Variants in SMU1 observed in about 807,000 individuals in gnomAD.
SMU1 encodes the protein WD40 repeat-containing protein SMU1.
Under a neutral mutation model 62.0 loss-of-function variants are expected in SMU1, and 2 were observed. The ratio of observed to expected loss-of-function variants is 0.03; its 90% CI spans 0.01 to 0.10. The LOEUF is 0.10. Among genes scored for constraint, SMU1 ranks in the 10% least tolerant of loss-of-function variants. SMU1 has a pLI of 1.00. For missense variants in SMU1, 227 were observed against 622.1 expected, an observed-to-expected ratio of 0.36 and a Z score of 6.76; for synonymous variants, 188 against 212.4, an observed-to-expected ratio of 0.89 and a Z score of 1.00.
rs34866457 is a variant in SMU1 at position 33,047,212 on chromosome 9, C to CAAAAA, written c.*76_*80dup. 2.9e-3 allele frequency: 1,882 copies of CAAAAA among 645,676 alleles called. 18 individuals are homozygous for CAAAAA. Among genetic ancestry groups the CAAAAA allele is most frequent in the African/African-American group, 0.024 (1,084 of 45,458 alleles). 40.0% of individuals were successfully genotyped at this position (645,676 alleles called of 1,614,324 possible). A position where few individuals can be genotyped will look rare whatever the true frequency, so the allele number is the denominator to read the frequency against. On this transcript the variant is annotated 3_prime_UTR_variant, in exon 12 of 12. Transcript: ENST00000397149. ...CAATCTATTTGCTTAGAAAAGCTGG[C>CAAAAA]AAAAAAAAAAAAAAGCACATTACAT...
intron 9 of SMU1, among the ~76,000 whole-genome samples, chr9:33,054,718 G>A (rs1275033063): frequency 1.3e-5 from 2 of 152,154 alleles, no homozygotes; most frequent in African/African-American, 4.8e-5. Flanking sequence ...GCCTTCCATG[G>A]AGCTTAGCAG....
At chr9:33,070,391 G>A (rs1032181006) in intron 3 of SMU1, among the ~76,000 whole-genome samples, 4 of 152,172 alleles carry the variant, frequency 2.6e-5, no homozygotes, top group African/African-American at 9.7e-5. Context: ...AACAAATGCT[G>A]GTGAGTAAGT....
chr9:33,055,631 G>A (rs1564021063), intron 9 of SMU1, among the ~76,000 whole-genome samples: 2 of 152,108 alleles, frequency 1.3e-5, no homozygotes, highest in African/African-American at 4.8e-5. Flanking sequence ...CTATCTAGGA[G>A]AAGGCTTAGT....
chr9:33,072,552 C>T (rs1326208114), intron 2 of SMU1, among the ~76,000 whole-genome samples: 1 of 151,920 alleles, frequency 6.6e-6, no homozygotes, highest in Non-Finnish European at 1.5e-5. Flanking sequence ...AACAAACTGC[C>T]CAGACACGGC....
intron 1 of SMU1, among the ~76,000 whole-genome samples, chr9:33,075,804 AATTATT>A (rs1333243978): frequency 6.6e-6 from 1 of 152,104 alleles, no homozygotes; most frequent in Non-Finnish European, 1.5e-5. Flanking sequence ...CTGTTAATTT[AATTATT>A]ATTAAGTGTT....
chr9:33,056,544 A>C (rs143409221), intron 8 of SMU1, among the ~76,000 whole-genome samples: 1 of 152,306 alleles, frequency 6.6e-6, no homozygotes, highest in South Asian at 2.1e-4. Context: ...CCTTTAGAGT[A>C]TAACAGACCC....
intron 11 of SMU1, among the ~76,000 whole-genome samples, chr9:33,047,757 G>A (rs1194622411): frequency 1.3e-5 from 2 of 152,086 alleles, no homozygotes; most frequent in African/African-American, 4.8e-5. Context: ...TACTTGGGAG[G>A]CTGAGGCAGG....
chr9:33,063,262 T>G (rs1303816855), intron 4 of SMU1, among the ~76,000 whole-genome samples: 1 of 152,036 alleles, frequency 6.6e-6, no homozygotes, highest in East Asian at 1.9e-4. Flanking sequence ...CTTGGGAGAC[T>G]GAGGCAGGAA....
At chr9:33,066,660 G>T (rs1185420062) in intron 4 of SMU1, among the ~76,000 whole-genome samples, 2 of 152,032 alleles carry the variant, frequency 1.3e-5, no homozygotes, top group East Asian at 3.9e-4. Context: ...ACAAAAATTA[G>T]CTGGGCATGG....
chr9:33,050,526 T>TAAAAAAAAA (rs572118083), intron 10 of SMU1, among the ~76,000 whole-genome samples: 2 of 99,894 alleles, frequency 2.0e-5, no homozygotes, highest in Non-Finnish European at 4.2e-5. Context: ...ATTAAGCACT[T>TAAAAAAAAA]AAAAAAAAAA....
rs1486652540 is a variant in SMU1 at position 33,062,173 on chromosome 9, A to C, written c.506T>G (p.Leu169Arg). The C allele has an allele frequency of 6.2e-7, 1 of 1,610,712 alleles. No homozygotes were observed. ...CAATCCCTGATGCTGCTGCCACTTC[A>C]GTGCCTATGAGGAAAAAAAAAAATA... The part of the protein sequence containing the change: ...SRLMALLGQA[L>R]KWQQHQGLLP... Residue 169 changes from leucine (L) to arginine (R), a missense_variant, in exon 5 of 12, where the codon CTG becomes CGG. Around this residue, in one of 5 missense-constraint regions of SMU1, gnomAD observed 99 missense variants for 270.3 expected, o/e 0.37. Transcript: ENST00000397149.
At chr9:33,069,135 T>C (rs1294309042) in intron 3 of SMU1, among the ~76,000 whole-genome samples, 1 of 152,144 alleles carries the variant, frequency 6.6e-6, no homozygotes, top group African/African-American at 2.4e-5. Flanking sequence ...AAAGTATGAG[T>C]TGGGAGAAAA....
chr9:33,042,269 T>TAAC lies in SMU1; in HGVS notation c.*5021_*5023dup, dbSNP rs903737527. On this transcript the variant is annotated 3_prime_UTR_variant, in exon 12 of 12. Coordinates refer to ENST00000397149, the MANE Select transcript of SMU1 (RefSeq NM_018225.3). Reference sequence around the variant, plus strand: ...TTTCAGCTTGTATTATTACTACCACTAACAGCCTCTGTTGAACCCTTCATT... The same window carrying TAAC: ...TTTCAGCTTGTATTATTACTACCACTAACAACAGCCTCTGTTGAACCCTTCATT... 2.0e-5 allele frequency: 3 copies of TAAC among 152,762 alleles called. No homozygotes were observed. Among genetic ancestry groups the TAAC allele is most frequent in the African/African-American group, 7.2e-5 (3 of 41,466 alleles). 9.5% of individuals were successfully genotyped at this position (152,762 alleles called of 1,614,324 possible). A position where few individuals can be genotyped will look rare whatever the true frequency, so the allele number is the denominator to read the frequency against.
intron 4 of SMU1, among the ~76,000 whole-genome samples, chr9:33,063,033 C>A (rs1587710329): frequency 6.6e-6 from 1 of 152,170 alleles, no homozygotes; most frequent in Non-Finnish European, 1.5e-5. Flanking sequence ...CATTTTGACT[C>A]CCAGTTTTGC....
chr9:33,066,804 C>CA (rs74178848), intron 4 of SMU1, among the ~76,000 whole-genome samples: 38,901 of 136,494 alleles, frequency 0.29, 5,158 homozygotes, highest in Middle Eastern at 0.32. Flanking sequence ...GACTCTGTCT[C>CA]AAAAAAAAAA....
intron 3 of SMU1, among the ~76,000 whole-genome samples, chr9:33,069,159 A>G (rs1395402942): frequency 6.6e-6 from 1 of 152,182 alleles, no homozygotes; most frequent in African/African-American, 2.4e-5. Context: ...AGGTCAGCCA[A>G]TCCACACTAT....
chr9:33,062,040 G>A lies in SMU1; in HGVS notation c.630+9C>T. ...GATTACTGACTGGCTGAATGTCTTA[G>A]GATCCTACCTTAATATGCCTGCTCA... On this transcript the variant is annotated intron_variant, in intron 5 of 11. Coordinates refer to ENST00000397149, the MANE Select transcript of SMU1 (RefSeq NM_018225.3). The A allele has an allele frequency of 6.2e-7, 1 of 1,612,654 alleles. No homozygotes were observed. The highest frequency in any genetic ancestry group is 1.1e-5 in the South Asian group (1 of 90,990).
chr9:33,062,289 T>C (rs1839371464), intron 4 of SMU1, 112 bp from the exon 5 acceptor site: 2 of 1,416,696 alleles, frequency 1.4e-6, no homozygotes, highest in Non-Finnish European at 1.9e-6. Context: ...CTGTGAGCCA[T>C]CTAAACCCCA....
chr9:33,075,936 T>C (rs137952890), intron 1 of SMU1, among the ~76,000 whole-genome samples: 1 of 152,306 alleles, frequency 6.6e-6, no homozygotes, highest in African/African-American at 2.4e-5. Context: ...CTCCAGTCTG[T>C]CTCTCCCCAG....
Sources: allele counts gnomAD v4.1 joint callset (sites outside exome capture counted in the v4.1 genomes callset), GRCh38; gene constraint gnomAD v4.1.1; regional missense constraint gnomAD v4.1.1; transcripts MANE v1.5; gene names NCBI Gene and HGNC (gene_info 2026-07-23, HGNC 2026-07-21).